The following NKAIN2 variants were observed in gnomAD, a reference collection of about 807,000 sequenced individuals.
The protein encoded by NKAIN2 is sodium/potassium-transporting ATPase subunit beta-1-interacting protein 2.
In NKAIN2, 14 loss-of-function variants were observed where a neutral mutation model predicts 32.6. That is an observed-to-expected ratio of 0.43 (90% CI 0.28 to 0.67). NKAIN2 has a LOEUF of 0.67. Among genes scored for constraint, NKAIN2 ranks in the 30% least tolerant of loss-of-function variants. The pLI is 0.17. For missense variants in NKAIN2, 198 were observed against 258.3 expected, an observed-to-expected ratio of 0.77 and a Z score of 1.60; for synonymous variants, 80 against 87.2, an observed-to-expected ratio of 0.92 and a Z score of 0.46.
chr6:124,557,882 C>A (rs1780534688), intron 3 of NKAIN2, among the ~76,000 whole-genome samples: 1 of 152,164 alleles, frequency 6.6e-6, no homozygotes, highest in Non-Finnish European at 1.5e-5. Context: ...TAAAGTGACT[C>A]ATTCAGATGA....
At chr6:124,100,372 A>G (rs1333662735) in intron 1 of NKAIN2, among the ~76,000 whole-genome samples, 3 of 152,258 alleles carry the variant, frequency 2.0e-5, no homozygotes, top group African/African-American at 7.2e-5. Context: ...AAGAGTATAC[A>G]CAGATATGAT....
At position 123,804,191 on chromosome 6, in the gene NKAIN2, C is replaced by G. The variant is rs546501901; in HGVS notation, c.-10C>G. 3.1e-6 allele frequency: 5 copies of G among 1,613,644 alleles called. No individual in the cohort carries two copies. The South Asian group carries it at 4.4e-5, about 14-fold the overall frequency. On this transcript the variant is annotated 5_prime_UTR_variant, in exon 1 of 7. Transcript: ENST00000368417. Reference sequence around the variant, plus strand: ...GGGACAGTCTGGCTGTGGCAGGGGTCTCGGAAACCATGGGTTATTGCAGTG... The same window carrying G: ...GGGACAGTCTGGCTGTGGCAGGGGTGTCGGAAACCATGGGTTATTGCAGTG...
At chr6:124,679,694 T>TA (rs957956175) in intron 4 of NKAIN2, among the ~76,000 whole-genome samples, 6 of 152,240 alleles carry the variant, frequency 3.9e-5, no homozygotes, top group Non-Finnish European at 5.9e-5. Flanking sequence ...TCACTATCCC[T>TA]AATTCATTGT....
At chr6:124,165,204 A>G (rs1788471947) in intron 1 of NKAIN2, among the ~76,000 whole-genome samples, 1 of 152,054 alleles carries the variant, frequency 6.6e-6, no homozygotes, top group Non-Finnish European at 1.5e-5. Context: ...ACATTTTGAA[A>G]TATGTGAATA....
intron 4 of NKAIN2, among the ~76,000 whole-genome samples, chr6:124,678,317 G>A (rs1219034187): frequency 6.6e-6 from 1 of 151,950 alleles, no homozygotes; most frequent in African/African-American, 2.4e-5. Context: ...TCTCTCTCTA[G>A]TCTCCTCCTG....
intron 1 of NKAIN2, among the ~76,000 whole-genome samples, chr6:124,224,741 A>G (rs1335242064): frequency 2.0e-5 from 3 of 152,130 alleles, no homozygotes; most frequent in African/African-American, 7.2e-5. Flanking sequence ...TCCTTAATAC[A>G]TGGGTCACAG....
At chr6:124,281,843 A>G (rs1055332680) in intron 1 of NKAIN2, among the ~76,000 whole-genome samples, 1 of 152,230 alleles carries the variant, frequency 6.6e-6, no homozygotes, top group Non-Finnish European at 1.5e-5. Flanking sequence ...TTTGAGAGTC[A>G]GTATTTCCTT....
At chr6:123,923,258 A>T (rs1354830691) in intron 1 of NKAIN2, among the ~76,000 whole-genome samples, 4 of 152,200 alleles carry the variant, frequency 2.6e-5, no homozygotes. Flanking sequence ...TTGTGAATGA[A>T]ATTAAAGCAG....
chr6:124,235,466 A>G (rs948499089), intron 1 of NKAIN2, among the ~76,000 whole-genome samples: 5 of 152,194 alleles, frequency 3.3e-5, no homozygotes, highest in African/African-American at 1.2e-4. Flanking sequence ...GTAAGATTAT[A>G]ATACTAATAA....
At chr6:123,839,227 CAAAA>C (rs1200980541) in intron 1 of NKAIN2, among the ~76,000 whole-genome samples, 4 of 95,750 alleles carry the variant, frequency 4.2e-5, no homozygotes, top group Non-Finnish European at 6.9e-5. Context: ...CTAAACACTC[CAAAA>C]AAAAAAAAAA....
intron 1 of NKAIN2, among the ~76,000 whole-genome samples, chr6:123,995,936 A>C (rs1254424743): frequency 1.3e-5 from 2 of 152,160 alleles, no homozygotes; most frequent in Admixed American, 6.5e-5. Flanking sequence ...AGAGGCAAGT[A>C]CCACCCATAC....
intron 1 of NKAIN2, among the ~76,000 whole-genome samples, chr6:124,150,941 A>G (rs1352920503): frequency 1.3e-5 from 2 of 152,150 alleles, no homozygotes; most frequent in African/African-American, 4.8e-5. Flanking sequence ...AAATGTTTGT[A>G]AGTAACATTT....
intron 1 of NKAIN2, among the ~76,000 whole-genome samples, chr6:123,856,944 C>T (rs1206895645): frequency 6.6e-6 from 1 of 152,180 alleles, no homozygotes; most frequent in Admixed American, 6.5e-5. Flanking sequence ...CAACATAAGA[C>T]ACAGTGGGGT....
intron 1 of NKAIN2, among the ~76,000 whole-genome samples, chr6:123,884,992 T>G (rs1451788763): frequency 6.6e-6 from 1 of 152,160 alleles, no homozygotes; most frequent in Non-Finnish European, 1.5e-5. Context: ...AGGTGCAGTT[T>G]TAGGAGGCAG....
intron 1 of NKAIN2, among the ~76,000 whole-genome samples, chr6:123,810,101 T>G (rs1430306812): frequency 6.6e-6 from 1 of 152,112 alleles, no homozygotes; most frequent in Non-Finnish European, 1.5e-5. Context: ...TCCTCTCTGG[T>G]AATCCTATGA....
intron 4 of NKAIN2, among the ~76,000 whole-genome samples, chr6:124,683,878 A>G (rs933871771): frequency 2.0e-5 from 3 of 152,200 alleles, no homozygotes; most frequent in African/African-American, 4.8e-5. Flanking sequence ...AGGATTCAGC[A>G]TATTGTGGAA....
intron 1 of NKAIN2, among the ~76,000 whole-genome samples, chr6:124,124,701 T>C (rs1451344129): frequency 6.6e-6 from 1 of 152,184 alleles, no homozygotes; most frequent in Non-Finnish European, 1.5e-5. Context: ...TTGTTTTTTC[T>C]TCTTTGTGTC....
chr6:124,588,751 T>G (rs1357551569), intron 3 of NKAIN2, among the ~76,000 whole-genome samples: 1 of 152,200 alleles, frequency 6.6e-6, no homozygotes, highest in Non-Finnish European at 1.5e-5. Flanking sequence ...CTTTCTGGTG[T>G]ACCCCCAACT....
intron 3 of NKAIN2, among the ~76,000 whole-genome samples, chr6:124,599,469 C>T (rs1782225722): frequency 6.6e-6 from 1 of 152,082 alleles, no homozygotes. Flanking sequence ...ACAGAAATCA[C>T]CTGCTGAAAA....
Sources: gnomAD v4.1 joint callset for allele counts (sites outside exome capture counted in the v4.1 genomes callset) on GRCh38, gnomAD v4.1.1 for gene constraint, MANE v1.5 for transcripts, NCBI Gene and HGNC (gene_info 2026-07-23, HGNC 2026-07-21) for gene names.